Variants in RANBP2 observed in about 807,000 individuals in gnomAD.
RANBP2 encodes E3 SUMO-protein ligase RanBP2.
A neutral mutation model predicts 303.6 loss-of-function variants in RANBP2; 57 were observed. The ratio of observed to expected loss-of-function variants is 0.19; its 90% CI spans 0.15 to 0.23. The LOEUF (loss-of-function observed/expected upper bound fraction) is 0.23. RANBP2 is among the 10% of genes least tolerant of loss of function. RANBP2 has a pLI of 1.00. For synonymous variants in RANBP2, 1,167 were observed against 1,301.5 expected (o/e 0.90, Z 2.23); for missense variants, 3,138 against 3,780.8 (o/e 0.83, Z 4.46).
intron 18 of RANBP2, 136 bp from the exon 19 acceptor site, chr2:108,761,965 A>G (rs1422877426): frequency 7.4e-6 from 6 of 814,216 alleles, no homozygotes; most frequent in African/African-American, 1.7e-5. Flanking sequence ...ATTTTGATGT[A>G]CAGAAATTTA....
the RANBP2 span, among the ~76,000 whole-genome samples, chr2:109,655,578 G>T: frequency 6.6e-6 from 1 of 152,146 alleles, no homozygotes; most frequent in East Asian, 1.9e-4. Context: ...CACCCACCCA[G>T]TGTGCATTTG....
At chr2:108,878,131 C>A in the RANBP2 span, among the ~76,000 whole-genome samples, 1 of 152,188 alleles carries the variant, frequency 6.6e-6, no homozygotes, top group South Asian at 2.1e-4. Flanking sequence ...TTTATTAAAT[C>A]AACCTCATAT....
At chr2:108,889,208 TG>T in the RANBP2 span, among the ~76,000 whole-genome samples, 2 of 152,188 alleles carry the variant, frequency 1.3e-5, no homozygotes, top group South Asian at 4.1e-4. Flanking sequence ...ACTTGTTTTG[TG>T]GCCTAACATA....
At chr2:108,995,256 G>A in the RANBP2 span, among the ~76,000 whole-genome samples, 2 of 152,142 alleles carry the variant, frequency 1.3e-5, no homozygotes, top group African/African-American at 2.4e-5. Context: ...AAACTCCTAT[G>A]CTCAAGTGAT....
At chr2:109,455,775 C>A in the RANBP2 span, among the ~76,000 whole-genome samples, 1 of 152,218 alleles carries the variant, frequency 6.6e-6, no homozygotes. Flanking sequence ...CAGCTGCTGC[C>A]AGCGCTCATC....
At chr2:108,996,933 G>C in the RANBP2 span, among the ~76,000 whole-genome samples, 1 of 152,122 alleles carries the variant, frequency 6.6e-6, no homozygotes, top group South Asian at 2.1e-4. Context: ...GGATGCTCAG[G>C]ACCAGGCCCA....
chr2:109,633,226 C>G, the RANBP2 span, among the ~76,000 whole-genome samples: 1 of 152,064 alleles, frequency 6.6e-6, no homozygotes, highest in African/African-American at 2.4e-5. Flanking sequence ...AACCTCGTCT[C>G]TACTAAAAAT....
the RANBP2 span, among the ~76,000 whole-genome samples, chr2:109,122,294 G>A: frequency 6.6e-6 from 1 of 152,178 alleles, no homozygotes; most frequent in Non-Finnish European, 1.5e-5. Flanking sequence ...ACATCAACAG[G>A]GATTGGAAAG....
chr2:109,596,171 A>G, the RANBP2 span, among the ~76,000 whole-genome samples: 3 of 152,154 alleles, frequency 2.0e-5, no homozygotes, highest in African/African-American at 7.2e-5. Flanking sequence ...AGCTGGGCCT[A>G]CAGGCATGCA....
chr2:109,152,424 A>T, the RANBP2 span, among the ~76,000 whole-genome samples: 1 of 152,222 alleles, frequency 6.6e-6, no homozygotes, highest in African/African-American at 2.4e-5. Context: ...CTGGGCTCCG[A>T]TCTCAAGTTG....
At chr2:109,378,537 T>G in the RANBP2 span, among the ~76,000 whole-genome samples, 2 of 152,224 alleles carry the variant, frequency 1.3e-5, no homozygotes, top group African/African-American at 4.8e-5. Flanking sequence ...AATTTTCAGC[T>G]GGTTACTGAC....
the RANBP2 span, among the ~76,000 whole-genome samples, chr2:108,841,559 C>A: frequency 2.6e-5 from 4 of 152,036 alleles, no homozygotes; most frequent in Admixed American, 6.6e-5. Context: ...AATATAGAGA[C>A]TTCTGGCTTC....
the RANBP2 span, among the ~76,000 whole-genome samples, chr2:109,224,608 G>T: frequency 6.6e-6 from 1 of 152,088 alleles, no homozygotes; most frequent in Non-Finnish European, 1.5e-5. Context: ...CTGTAATCCC[G>T]GCACTTTGGA....
intron 1 of RANBP2, 144 bp downstream of exon 1, chr2:108,719,822 C>T (rs1573664617): frequency 5.5e-6 from 8 of 1,444,572 alleles, no homozygotes; most frequent in Non-Finnish European, 7.2e-6. Context: ...CTGTGGGCGG[C>T]GTGGCGCTTG....
chr2:109,366,932 G>C, the RANBP2 span, among the ~76,000 whole-genome samples: 166 of 152,292 alleles, frequency 1.1e-3, no homozygotes, highest in Middle Eastern at 0.027. Flanking sequence ...CCAGCGATCA[G>C]GACTGGGATT....
the RANBP2 span, among the ~76,000 whole-genome samples, chr2:109,262,497 C>G: frequency 6.6e-6 from 1 of 152,216 alleles, no homozygotes; most frequent in Non-Finnish European, 1.5e-5. Context: ...TCTCTGCAGC[C>G]AGGTAAACCT....
At chr2:109,684,245 C>CTTTTTCTTTT in the RANBP2 span, among the ~76,000 whole-genome samples, 1 of 87,154 alleles carries the variant, frequency 1.1e-5, no homozygotes, top group Admixed American at 1.7e-4. Flanking sequence ...CCCGGTCTTA[C>CTTTTTCTTTT]TTTTTTTTTT....
chr2:109,225,905 A>G, the RANBP2 span, among the ~76,000 whole-genome samples: 7 of 152,184 alleles, frequency 4.6e-5, no homozygotes, highest in Admixed American at 1.3e-4. Context: ...AGCTGGGACT[A>G]TAGTCGCTTT....
the RANBP2 span, among the ~76,000 whole-genome samples, chr2:108,995,251 C>T: frequency 6.6e-6 from 1 of 152,150 alleles, no homozygotes. Flanking sequence ...GCCTCAAACT[C>T]CTATGCTCAA....
Sources: gnomAD v4.1 joint callset for allele counts (sites outside exome capture counted in the v4.1 genomes callset) on GRCh38, gnomAD v4.1.1 for gene constraint, MANE v1.5 for transcripts, NCBI Gene and HGNC (gene_info 2026-07-23, HGNC 2026-07-21) for gene names.